KHDC4: variants seen among roughly 807,000 people sequenced by gnomAD.
The protein encoded by KHDC4 is KH homology domain-containing protein 4.
A neutral mutation model predicts 74.5 loss-of-function variants in KHDC4; 19 were observed. That is an observed-to-expected ratio of 0.26 (90% CI 0.18 to 0.37). The LOEUF (loss-of-function observed/expected upper bound fraction) is 0.37, where lower values mean the gene tolerates loss of function less well. Ranked by LOEUF, KHDC4 falls within the 10% of genes least tolerant of loss-of-function variation. The pLI is 1.00. For synonymous variants in KHDC4, 253 were observed against 266.1 expected (o/e 0.95, Z 0.48); for missense variants, 632 against 754.1 (o/e 0.84, Z 1.90).
chr1:155,928,618 C>T (rs967510441), intron 4 of KHDC4, among the ~76,000 whole-genome samples: 4 of 137,608 alleles, frequency 2.9e-5, no homozygotes, highest in South Asian at 2.3e-4. Flanking sequence ...AAAAAAAGAG[C>T]CCATTTGTGA....
intron 2 of KHDC4, among the ~76,000 whole-genome samples, chr1:155,930,274 ACCCTT>A (rs1387735545): frequency 1.8e-4 from 28 of 151,998 alleles, no homozygotes; most frequent in Admixed American, 6.6e-5. Context: ...ACACCTCCCT[ACCCTT>A]CCCTTCATCT....
intron 4 of KHDC4, among the ~76,000 whole-genome samples, chr1:155,927,905 T>C (rs1196263187): frequency 2.2e-5 from 3 of 137,746 alleles, no homozygotes; most frequent in South Asian, 2.4e-4. Context: ...ATCATGCATA[T>C]AGAGAAACCT....
chr1:155,924,766 G>C (rs1416002246), intron 7 of KHDC4, among the ~76,000 whole-genome samples: 1 of 151,216 alleles, frequency 6.6e-6, no homozygotes, highest in Admixed American at 6.6e-5. Flanking sequence ...GAGAGTCAGG[G>C]TTTCACCATG....
chr1:155,913,220 A>G lies in KHDC4; in HGVS notation c.*901T>C, dbSNP rs1176626231. On this transcript the variant is annotated 3_prime_UTR_variant, in exon 14 of 14. Coordinates refer to ENST00000368321, the MANE Select transcript of KHDC4 (RefSeq NM_014949.4). Reference sequence around the variant, plus strand: ...CAGACTAGCTCCTTCACTTTCACACATCAATATTTGATACAAAAAGTTATT... The same window carrying G: ...CAGACTAGCTCCTTCACTTTCACACGTCAATATTTGATACAAAAAGTTATT... The G allele has an allele frequency of 6.5e-6, 1 of 152,788 alleles. No individual in the cohort carries two copies. Among genetic ancestry groups the G allele is most frequent in the African/African-American group, 2.4e-5 (1 of 41,448 alleles). 9.5% of individuals were successfully genotyped at this position (152,788 alleles called of 1,614,324 possible).
intron 7 of KHDC4, among the ~76,000 whole-genome samples, 181 bp downstream of exon 7, chr1:155,925,451 G>A (rs1017537603): frequency 1.3e-5 from 2 of 152,152 alleles, no homozygotes; most frequent in Non-Finnish European, 2.9e-5. Flanking sequence ...ACAGGCATGA[G>A]CCACCGTGCC....
At chr1:155,932,117 G>A (rs775748449) in intron 2 of KHDC4, among the ~76,000 whole-genome samples, 14 of 152,288 alleles carry the variant, frequency 9.2e-5, no homozygotes, top group African/African-American at 3.4e-4. Flanking sequence ...GAGCCTGAGA[G>A]TATTTAATTA....
intron 4 of KHDC4, among the ~76,000 whole-genome samples, chr1:155,928,377 A>G (rs1445541118): frequency 6.6e-6 from 1 of 151,870 alleles, no homozygotes; most frequent in Non-Finnish European, 1.5e-5. Flanking sequence ...CTCCTTCTCT[A>G]ATAAATAAAT....
At chr1:155,916,965 C>G (rs1166861306) in intron 11 of KHDC4, 7 of 361,700 alleles carry the variant, frequency 1.9e-5, no homozygotes, top group Non-Finnish European at 2.0e-5. Context: ...TATCTATGGC[C>G]TGTTTTTAAC....
At chr1:155,914,419 G>T in intron 13 of KHDC4, 99 bp from the exon 14 acceptor site, 1 of 1,002,486 alleles carries the variant, frequency 1.0e-6, no homozygotes, top group Non-Finnish European at 1.5e-6. Flanking sequence ...AATTTTAAGT[G>T]GTTAGTTGGA....
At chr1:155,923,741 G>A (rs1402765284) in intron 7 of KHDC4, 54 bp from the exon 8 acceptor site, 2 of 1,339,198 alleles carry the variant, frequency 1.5e-6, no homozygotes, top group African/African-American at 1.4e-5. Flanking sequence ...AAAAGATGCA[G>A]AATTCTGCTT....
chr1:155,932,521 GATT>G (rs951833732), intron 2 of KHDC4: 2 of 151,984 alleles, frequency 1.3e-5, no homozygotes, highest in South Asian at 2.1e-4. Flanking sequence ...ACTACCTAAA[GATT>G]ATTATTTTAA....
intron 10 of KHDC4, among the ~76,000 whole-genome samples, chr1:155,918,978 T>G (rs1030181115): frequency 6.7e-6 from 1 of 149,602 alleles, no homozygotes; most frequent in African/African-American, 2.5e-5. Flanking sequence ...CCAGTTTTTT[T>G]TTTTTTTTTT....
At chr1:155,929,449 T>C (rs1045550584) in intron 3 of KHDC4, 74 bp from the exon 4 acceptor site, 7 of 1,226,094 alleles carry the variant, frequency 5.7e-6, no homozygotes, top group Non-Finnish European at 8.4e-6. Flanking sequence ...TTTCTTCCCA[T>C]TCATTCATTC....
chr1:155,928,387 TAAA>T (rs1393916484), intron 4 of KHDC4, among the ~76,000 whole-genome samples: 6 of 151,854 alleles, frequency 4.0e-5, no homozygotes, highest in Non-Finnish European at 5.9e-5. Context: ...AATAAATAAA[TAAA>T]TAAATAAATT....
chr1:155,921,667 A>G (rs759059825), intron 9 of KHDC4, 39 bp from the exon 10 acceptor site: 3 of 1,592,960 alleles, frequency 1.9e-6, no homozygotes, highest in Non-Finnish European at 2.6e-6. Context: ...CAGCTGCAGC[A>G]GAATGAGACA....
intron 11 of KHDC4, 40 bp downstream of exon 11, chr1:155,917,459 G>T (rs1392492175): frequency 1.0e-5 from 15 of 1,472,832 alleles, no homozygotes; most frequent in Non-Finnish European, 1.4e-5. Flanking sequence ...TATAGTAGAA[G>T]AATAAGGTGA....
chr1:155,921,707 G>A (rs1346556164), intron 9 of KHDC4, 79 bp from the exon 10 acceptor site: 55 of 1,535,778 alleles, frequency 3.6e-5, no homozygotes, highest in Non-Finnish European at 4.7e-5. Flanking sequence ...TTAATATCTA[G>A]GGAAGAAAAA....
At chr1:155,925,942 C>A (rs2102604606) in intron 6 of KHDC4, 99 bp from the exon 7 acceptor site, 1 of 1,043,752 alleles carries the variant, frequency 9.6e-7, no homozygotes, top group Non-Finnish European at 1.5e-6. Flanking sequence ...AGACAGTCTC[C>A]TGTAAAACTG....
Position 155,929,339 on chromosome 1 carries a change from C to G in KHDC4, c.421G>C (p.Gly141Arg). ...RLSGAAVSTR[G>R]RFMTTEEKAK... is the part of the protein sequence containing the mutation. Reference sequence around the variant, plus strand: ...TTTTCCTCAGTTGTCATGAACCTCCCTCGAGTTGATACTGCAGCCCCACTA... The same window carrying G: ...TTTTCCTCAGTTGTCATGAACCTCCGTCGAGTTGATACTGCAGCCCCACTA... Residue 141 changes from glycine (G) to arginine (R), a missense_variant, in exon 4 of 14, where the codon GGG becomes CGG. Around this residue, in one of 4 missense-constraint regions of KHDC4, gnomAD observed 233 missense variants for 342.6 expected, o/e 0.68. Transcript: ENST00000368321. 1 of 1,614,070 alleles carries G rather than the reference C, an allele frequency of 6.2e-7. No homozygotes were observed. Among genetic ancestry groups the G allele is most frequent in the Non-Finnish European group, 8.5e-7 (1 of 1,179,984 alleles).
Sources: allele counts gnomAD v4.1 joint callset (sites outside exome capture counted in the v4.1 genomes callset), GRCh38; gene constraint gnomAD v4.1.1; regional missense constraint gnomAD v4.1.1; transcripts MANE v1.5; gene names NCBI Gene and HGNC (gene_info 2026-07-23, HGNC 2026-07-21).